RARB: variants seen among roughly 807,000 people sequenced by gnomAD.
RARB encodes the protein HBV-activated protein.
In RARB, 17 loss-of-function variants were observed where a neutral mutation model predicts 51.9. That is an observed-to-expected ratio of 0.33 (90% CI 0.22 to 0.49). The LOEUF (loss-of-function observed/expected upper bound fraction) is 0.49, where lower values mean the gene tolerates loss of function less well. Among genes scored for constraint, RARB ranks in the 20% least tolerant of loss-of-function variants. The pLI is 0.99. For synonymous variants in RARB, 215 were observed against 195.4 expected (o/e 1.10, Z -0.84); for missense variants, 369 against 550.8 (o/e 0.67, Z 3.30).
At chr3:25,288,467 G>C (rs565363366) in intron 5 of RARB, among the ~76,000 whole-genome samples, 2 of 152,120 alleles carry the variant, frequency 1.3e-5, no homozygotes, top group African/African-American at 4.8e-5. Context: ...GGTGCAGAAC[G>C]TTCTTGGTAT....
At chr3:24,919,762 T>G (rs1695181344) in intron 2 of RARB, among the ~76,000 whole-genome samples, 1 of 152,230 alleles carries the variant, frequency 6.6e-6, no homozygotes, top group African/African-American at 2.4e-5. Flanking sequence ...AATTTTATTT[T>G]TCTTCATGGT....
At chr3:24,963,896 A>G (rs1696198168) in intron 2 of RARB, among the ~76,000 whole-genome samples, 1 of 152,212 alleles carries the variant, frequency 6.6e-6, no homozygotes, top group Non-Finnish European at 1.5e-5. Context: ...GGTAGAAAAA[A>G]AAACTTTACC....
At chr3:25,341,976 T>C (rs1295230524) in intron 5 of RARB, among the ~76,000 whole-genome samples, 1 of 152,220 alleles carries the variant, frequency 6.6e-6, no homozygotes, top group Non-Finnish European at 1.5e-5. Context: ...TCTCTTCCAC[T>C]AAAACAACAC....
chr3:25,563,322 G>A (rs1047385175), intron 3 of RARB, among the ~76,000 whole-genome samples: 8 of 152,078 alleles, frequency 5.3e-5, no homozygotes, highest in African/African-American at 1.4e-4. Context: ...CATACTCTTC[G>A]GCACCCTACC....
At chr3:25,105,926 C>G (rs566528238) in intron 3 of RARB, among the ~76,000 whole-genome samples, 1 of 152,272 alleles carries the variant, frequency 6.6e-6, no homozygotes, top group East Asian at 1.9e-4. Context: ...AATCTAAATG[C>G]AACCTCCAGG....
At chr3:25,009,198 C>T (rs1328698890) in intron 2 of RARB, among the ~76,000 whole-genome samples, 1 of 152,036 alleles carries the variant, frequency 6.6e-6, no homozygotes. Context: ...ATAGTATCTC[C>T]CAAATTCTAT....
rs75929442 is a variant in RARB at position 24,966,108 on chromosome 3, TTTTG to T, written c.-379-94016_-379-94013del. 1.5e-3 allele frequency among the ~76,000 whole-genome samples: 134 copies of T among 89,884 alleles called. 3 individuals carry two copies. The highest frequency in any genetic ancestry group is 0.014 in the East Asian group (51 of 3,630). The allele number at this position is 89,884 out of a possible 152,430, so 59.0% of individuals were successfully genotyped here. On this transcript the variant is annotated intron_variant, in intron 2 of 11. Transcript: ENST00000383772. The stretch of plus-strand genomic sequence containing the variant: ...ACCTTTATCTTTGAATTTTTTTTTT[TTTTG>T]GTTATTTTAGCTTGTTAAATTATTT...
chr3:25,193,283 T>C (rs530330222), intron 5 of RARB, among the ~76,000 whole-genome samples: 13 of 152,162 alleles, frequency 8.5e-5, no homozygotes, highest in Non-Finnish European at 1.3e-4. Context: ...AATTGTATTC[T>C]CATAGAACAG....
intron 2 of RARB, among the ~76,000 whole-genome samples, chr3:24,992,825 T>A (rs547722796): frequency 3.9e-5 from 6 of 152,312 alleles, no homozygotes; most frequent in African/African-American, 1.4e-4. Context: ...TGTCTCCAAA[T>A]ATAGTCACAT....
chr3:24,985,686 T>C (rs946867045), intron 2 of RARB, among the ~76,000 whole-genome samples: 1 of 152,234 alleles, frequency 6.6e-6, no homozygotes, highest in Non-Finnish European at 1.5e-5. Context: ...GTCTTTTGTT[T>C]CCAGAAATTT....
At chr3:24,932,700 T>C (rs1695466570) in intron 2 of RARB, among the ~76,000 whole-genome samples, 1 of 152,142 alleles carries the variant, frequency 6.6e-6, no homozygotes, top group Non-Finnish European at 1.5e-5. Context: ...CAACAAGTTA[T>C]TCAGAGAGGA....
intron 5 of RARB, among the ~76,000 whole-genome samples, chr3:25,319,638 T>A (rs1235256520): frequency 8.1e-6 from 1 of 124,028 alleles, no homozygotes; most frequent in African/African-American, 2.8e-5. Context: ...CATGCGTGCA[T>A]GGCAGTTTTG....
At chr3:24,968,660 A>T (rs760514476) in intron 2 of RARB, among the ~76,000 whole-genome samples, 4 of 152,088 alleles carry the variant, frequency 2.6e-5, no homozygotes, top group Non-Finnish European at 4.4e-5. Context: ...TCTTTCTCCC[A>T]TAGCCTAACC....
At chr3:25,179,968 T>C (rs1191138430) in intron 5 of RARB, among the ~76,000 whole-genome samples, 2 of 152,230 alleles carry the variant, frequency 1.3e-5, no homozygotes, top group East Asian at 1.9e-4. Flanking sequence ...GGAGCTGAGC[T>C]CATTCTGTTT....
intron 3 of RARB, among the ~76,000 whole-genome samples, chr3:25,113,742 A>C (rs1186153609): frequency 6.6e-6 from 1 of 152,138 alleles, no homozygotes; most frequent in Non-Finnish European, 1.5e-5. Context: ...ATCTTGAATT[A>C]AAAGATGGTA....
intron 1 of RARB, among the ~76,000 whole-genome samples, chr3:25,454,047 G>A (rs1322334129): frequency 1.3e-5 from 2 of 152,224 alleles, no homozygotes; most frequent in Non-Finnish European, 2.9e-5. Flanking sequence ...ATGATTAAAA[G>A]CAGATCCTCT....
chr3:24,840,695 C>G (rs1388940273), intron 1 of RARB, among the ~76,000 whole-genome samples: 1 of 141,974 alleles, frequency 7.0e-6, no homozygotes, highest in Non-Finnish European at 1.5e-5. Flanking sequence ...TTAGTATTTG[C>G]TGTTGCCCCT....
At chr3:25,267,998 TTA>T (rs780725226) in intron 5 of RARB, among the ~76,000 whole-genome samples, 2 of 152,086 alleles carry the variant, frequency 1.3e-5, no homozygotes, top group Non-Finnish European at 2.9e-5. Context: ...AGGAGGAGAG[TTA>T]TATATTTCTT....
chr3:25,261,149 T>C (rs1162564924), intron 5 of RARB, among the ~76,000 whole-genome samples: 1 of 152,136 alleles, frequency 6.6e-6, no homozygotes, highest in East Asian at 1.9e-4. Context: ...AATTGTAATA[T>C]TTAGCACATA....
Sources: allele counts gnomAD v4.1 joint callset (sites outside exome capture counted in the v4.1 genomes callset), GRCh38; gene constraint gnomAD v4.1.1; transcripts MANE v1.5; gene names NCBI Gene and HGNC (gene_info 2026-07-23, HGNC 2026-07-21).